Variants in PTBP3 observed in about 807,000 individuals in gnomAD.
The protein encoded by PTBP3 is polypyrimidine tract-binding protein 3.
A neutral mutation model predicts 58.7 loss-of-function variants in PTBP3; 20 were observed. The observed-to-expected ratio is 0.34, with a 90% CI of 0.24 to 0.50. PTBP3 has a LOEUF of 0.50. PTBP3 is among the 20% of genes least tolerant of loss of function. PTBP3 has a pLI of 0.98. For missense variants in PTBP3, 509 were observed against 637.2 expected, an observed-to-expected ratio of 0.80 and a Z score of 2.17; for synonymous variants, 185 against 219.8, an observed-to-expected ratio of 0.84 and a Z score of 1.40.
At chr9:112,294,662 G>C (rs2132298948) in intron 2 of PTBP3, among the ~76,000 whole-genome samples, 1 of 152,258 alleles carries the variant, frequency 6.6e-6, no homozygotes, top group African/African-American at 2.4e-5. Flanking sequence ...AGGTTCCAGT[G>C]AATACATAAC....
At chr9:112,337,527 C>T (rs1384980797), upstream of PTBP3, among the ~76,000 whole-genome samples, 1 of 152,208 alleles carries the variant, frequency 6.6e-6, no homozygotes, top group Non-Finnish European at 1.5e-5. Flanking sequence ...CAGATATCAC[C>T]TACATGACCT....
chr9:112,362,925 C>A, the PTBP3 span: 1 of 276,750 alleles, frequency 3.6e-6, no homozygotes, highest in Non-Finnish European at 7.1e-6. Flanking sequence ...TGCTGCCCAG[C>A]GGCTTCTGGA....
At chr9:112,253,268 C>T (rs1322550205) in intron 5 of PTBP3, among the ~76,000 whole-genome samples, 1 of 152,128 alleles carries the variant, frequency 6.6e-6, no homozygotes, top group Non-Finnish European at 1.5e-5. Flanking sequence ...AGACAATAAA[C>T]AAATGACAAA....
chr9:112,271,295 C>T (rs774597229), intron 3 of PTBP3, among the ~76,000 whole-genome samples: 4 of 152,198 alleles, frequency 2.6e-5, no homozygotes, highest in African/African-American at 4.8e-5. Flanking sequence ...TAGATACTTA[C>T]TAGCTGAGCA....
chr9:112,297,471 C>G (rs1376048063), intron 2 of PTBP3, among the ~76,000 whole-genome samples: 2 of 152,218 alleles, frequency 1.3e-5, no homozygotes, highest in East Asian at 3.8e-4. Flanking sequence ...TCCCAAAGTG[C>G]TGGGGATTAC....
At chr9:112,260,990 C>T (rs779565286) in intron 5 of PTBP3, among the ~76,000 whole-genome samples, 4 of 152,188 alleles carry the variant, frequency 2.6e-5, no homozygotes, top group Non-Finnish European at 5.9e-5. Flanking sequence ...AAACTTGCTG[C>T]TGGCTGATGG....
intron 1 of PTBP3, among the ~76,000 whole-genome samples, chr9:112,315,135 C>A (rs1319631423): frequency 2.0e-5 from 3 of 152,026 alleles, no homozygotes; most frequent in Non-Finnish European, 4.4e-5. Context: ...CCGGCCCCCA[C>A]TGACATTTAA....
intron 1 of PTBP3, chr9:112,330,621 C>G (rs1830332238): frequency 1.7e-6 from 1 of 575,268 alleles, no homozygotes; most frequent in East Asian, 3.3e-5. Context: ...AATATTAATA[C>G]AAAGAAAAAT....
At chr9:112,268,288 C>A (rs1245703241) in intron 3 of PTBP3, 93 bp from the exon 4 acceptor site, 46 of 1,300,748 alleles carry the variant, frequency 3.5e-5, no homozygotes, top group Non-Finnish European at 4.3e-5. Flanking sequence ...TAAACCCATG[C>A]ACTCTCAAGT....
At chr9:112,231,357 T>A (rs368710427) in intron 10 of PTBP3, 23 bp downstream of exon 10, 13 of 1,561,520 alleles carry the variant, frequency 8.3e-6, no homozygotes, top group Non-Finnish European at 1.1e-5. Context: ...TAGACAATAA[T>A]AAAATAGCAA....
upstream of PTBP3, among the ~76,000 whole-genome samples, chr9:112,337,520 A>C (rs969622114): frequency 6.6e-6 from 1 of 152,204 alleles, no homozygotes; most frequent in African/African-American, 2.4e-5. Flanking sequence ...GATATCTCAG[A>C]TATCACCTAC....
Position 112,223,258 on chromosome 9 carries a change from ATCAT to A in PTBP3, c.*589_*592del, listed in dbSNP as rs1260550393. 5 of 943,066 alleles carry A rather than the reference ATCAT, an allele frequency of 5.3e-6. No homozygotes were observed. Among genetic ancestry groups the A allele is most frequent in the Non-Finnish European group, 6.3e-6 (5 of 791,046 alleles). The allele number at this position is 943,066 out of a possible 1,614,324, so 58.4% of individuals were successfully genotyped here. On this transcript the variant is annotated 3_prime_UTR_variant, in exon 14 of 14. Transcript: ENST00000374257. ...GAGTGTCTTACAGTGAAAAAAAGAA[ATCAT>A]TCAAAGAAAACATGCAGGTTTATAA...
rs76644491 is a variant in PTBP3 at position 112,313,529 on chromosome 9, C to T, written c.-51-15613G>A. On this transcript the variant is annotated intron_variant, in intron 1 of 13. Transcript: ENST00000374257. ...AATTTGTGGAAGTCAGAAACCTGGA[C>T]ATGGCTTAGCTAGGTCCTCTGGAGA... Among the ~76,000 whole-genome samples, 1,313 of 152,308 alleles carry T rather than the reference C, an allele frequency of 8.6e-3. 23 individuals are homozygous for T. The highest frequency in any genetic ancestry group is 0.03 in the African/African-American group (1,252 of 41,568).
chr9:112,272,391 T>TA (rs1342326329), intron 3 of PTBP3, among the ~76,000 whole-genome samples: 2 of 152,148 alleles, frequency 1.3e-5, no homozygotes, highest in Non-Finnish European at 2.9e-5. Flanking sequence ...AATGATTAGT[T>TA]ATAAACTATA....
At chr9:112,340,863 C>T in the PTBP3 span, among the ~76,000 whole-genome samples, 64 of 139,092 alleles carry the variant, frequency 4.6e-4, 1 homozygote, top group Non-Finnish European at 1.2e-4. Flanking sequence ...GCAACAAGAG[C>T]GAAACTCTGT....
intron 1 of PTBP3, among the ~76,000 whole-genome samples, chr9:112,329,330 T>C (rs1348816611): frequency 2.0e-5 from 3 of 152,018 alleles, no homozygotes; most frequent in African/African-American, 4.8e-5. Flanking sequence ...GAAGAATCAC[T>C]TGAACCCCTT....
chr9:112,306,471 A>AC (rs1829217551), intron 1 of PTBP3, among the ~76,000 whole-genome samples: 1 of 151,240 alleles, frequency 6.6e-6, no homozygotes, highest in African/African-American at 2.4e-5. Context: ...AAAAAAAAAA[A>AC]CACTATTCTT....
At position 112,223,051 on chromosome 9, in the gene PTBP3, T is replaced by A. The variant is rs1044590043; in HGVS notation, c.*800A>T. 3.5e-6 allele frequency: 3 copies of A among 852,332 alleles called. No individual in the cohort carries two copies. The highest frequency in any genetic ancestry group is 4.2e-6 in the Non-Finnish European group (3 of 708,634). The allele number at this position is 852,332 out of a possible 1,614,324, so 52.8% of individuals were successfully genotyped here. A position where few individuals can be genotyped will look rare whatever the true frequency, so the allele number is the denominator to read the frequency against. On this transcript the variant is annotated 3_prime_UTR_variant, in exon 14 of 14. Coordinates refer to ENST00000374257, the MANE Select transcript of PTBP3 (RefSeq NM_001163788.4). ...TCTTTAAAATTTTCCAAGATCATATTACTTGACAAATAAGTGTCATTTTGA... is the reference window on the plus strand; with the variant it reads ...TCTTTAAAATTTTCCAAGATCATATAACTTGACAAATAAGTGTCATTTTGA...
In PTBP3 at chr9:112,333,139, G is replaced by GCTCCCCGGA. The variant is rs898056598; in HGVS notation, c.-52+322_-52+330dup. 3.2e-6 allele frequency: 4 copies of GCTCCCCGGA among 1,243,618 alleles called. No homozygotes were observed. The African/African-American group carries it at 6.3e-5, about 20-fold the overall frequency. 77.0% of individuals were successfully genotyped at this position (1,243,618 alleles called of 1,614,324 possible). On this transcript the variant is annotated intron_variant, in intron 1 of 13. Transcript: ENST00000374257. ...AGGAAGTGTCGGGAGGCCGAGCTGG[G>GCTCCCCGGA]CTCCCCGGACTCGGGGCGCGGAGGG...
Sources: allele counts gnomAD v4.1 joint callset (sites outside exome capture counted in the v4.1 genomes callset), GRCh38; gene constraint gnomAD v4.1.1; transcripts MANE v1.5; gene names NCBI Gene and HGNC (gene_info 2026-07-23, HGNC 2026-07-21).